The following CDH13 variants were observed in gnomAD, a reference collection of about 807,000 sequenced individuals.
CDH13 encodes the protein cadherin 13, also known as cadherin-13.
CDH13 carries 24 observed loss-of-function variants against 63.8 expected under a neutral mutation model. The observed-to-expected ratio is 0.38, with a 90% CI of 0.27 to 0.53. The LOEUF (loss-of-function observed/expected upper bound fraction) is 0.53. Among genes scored for constraint, CDH13 ranks in the 20% least tolerant of loss-of-function variants. The pLI is 0.85. For synonymous variants in CDH13, 503 were observed against 355.3 expected (o/e 1.42, Z -4.67); for missense variants, 1,049 against 903.1 (o/e 1.16, Z -2.07).
chr16:83,691,914 A>G (rs1904933649), intron 10 of CDH13, among the ~76,000 whole-genome samples: 1 of 152,188 alleles, frequency 6.6e-6, no homozygotes, highest in African/African-American at 2.4e-5. Context: ...AGCCTTCTGC[A>G]TTAGATCACC....
intron 2 of CDH13, among the ~76,000 whole-genome samples, chr16:82,931,396 T>A (rs986304887): frequency 2.3e-4 from 35 of 152,214 alleles, no homozygotes; most frequent in African/African-American, 8.4e-4. Context: ...AGACTTGGAC[T>A]CACATCCTAC....
intron 2 of CDH13, among the ~76,000 whole-genome samples, chr16:82,917,276 G>C (rs1206909203): frequency 6.6e-6 from 1 of 152,210 alleles, no homozygotes; most frequent in Non-Finnish European, 1.5e-5. Flanking sequence ...TCCATTGGGT[G>C]GGTCCAATGG....
chr16:82,960,597 C>G (rs1289118506), intron 2 of CDH13, among the ~76,000 whole-genome samples: 1 of 152,108 alleles, frequency 6.6e-6, no homozygotes, highest in East Asian at 1.9e-4. Flanking sequence ...CTTTTTTCAC[C>G]TTCTGGGCTT....
At chr16:83,620,738 C>T (rs1598380423) in intron 8 of CDH13, among the ~76,000 whole-genome samples, 1 of 152,332 alleles carries the variant, frequency 6.6e-6, no homozygotes, top group East Asian at 1.9e-4. Flanking sequence ...GATTCCTTCC[C>T]TGAGGTCACT....
At chr16:83,221,061 G>A (rs2039684795) in intron 5 of CDH13, among the ~76,000 whole-genome samples, 2 of 152,206 alleles carry the variant, frequency 1.3e-5, no homozygotes, top group African/African-American at 4.8e-5. Flanking sequence ...TCTCACAGCT[G>A]GCATGTATTG....
chr16:82,962,650 C>G (rs1004942670), intron 2 of CDH13, among the ~76,000 whole-genome samples: 1 of 152,066 alleles, frequency 6.6e-6, no homozygotes, highest in Non-Finnish European at 1.5e-5. Flanking sequence ...GAACCCCTGG[C>G]CAGGGCAGGG....
chr16:83,619,711 G>T (rs1909631706), intron 8 of CDH13, among the ~76,000 whole-genome samples: 1 of 152,228 alleles, frequency 6.6e-6, no homozygotes, highest in Admixed American at 6.5e-5. Flanking sequence ...TTTGCAGAAG[G>T]ACACCAGTCA....
chr16:83,399,662 TCTC>T (rs2091938557), intron 6 of CDH13, among the ~76,000 whole-genome samples: 1 of 152,194 alleles, frequency 6.6e-6, no homozygotes, highest in Admixed American at 6.5e-5. Flanking sequence ...CATGCAGCTT[TCTC>T]CTTGTTCGCT....
intron 6 of CDH13, among the ~76,000 whole-genome samples, chr16:83,424,690 C>G (rs1320959973): frequency 6.6e-6 from 1 of 152,150 alleles, no homozygotes; most frequent in African/African-American, 2.4e-5. Flanking sequence ...AATCTTTAGT[C>G]CTAGACAAAT....
intron 7 of CDH13, among the ~76,000 whole-genome samples, chr16:83,581,210 G>A (rs2150721898): frequency 6.6e-6 from 1 of 152,250 alleles, no homozygotes; most frequent in South Asian, 2.1e-4. Flanking sequence ...AAGCAGGTAT[G>A]GTCTCTGCCC....
chr16:83,397,370 C>G (rs2091903551), intron 6 of CDH13: 1 of 152,172 alleles, frequency 6.6e-6, no homozygotes, highest in Non-Finnish European at 1.5e-5. Flanking sequence ...TTTGATTTCT[C>G]TGAAGATACC....
chr16:82,748,281 C>G (rs1399552551), intron 1 of CDH13, among the ~76,000 whole-genome samples: 1 of 152,126 alleles, frequency 6.6e-6, no homozygotes, highest in Non-Finnish European at 1.5e-5. Context: ...AATTCATGTT[C>G]CCATCCAGAA....
At chr16:83,569,658 T>A (rs762168522) in intron 7 of CDH13, among the ~76,000 whole-genome samples, 1 of 152,164 alleles carries the variant, frequency 6.6e-6, no homozygotes, top group African/African-American at 2.4e-5. Context: ...CACAAAGACA[T>A]AGGACATGGA....
At chr16:83,647,382 C>G (rs140268493) in intron 8 of CDH13, among the ~76,000 whole-genome samples, 1 of 151,654 alleles carries the variant, frequency 6.6e-6, no homozygotes, top group African/African-American at 2.4e-5. Context: ...CCGTGTTGCT[C>G]ACGGGTGACC....
At chr16:83,057,253 C>G (rs974290000) in intron 3 of CDH13, among the ~76,000 whole-genome samples, 3 of 152,188 alleles carry the variant, frequency 2.0e-5, no homozygotes. Flanking sequence ...GTGTAAGCCA[C>G]TGCACCCCAG....
intron 1 of CDH13, among the ~76,000 whole-genome samples, chr16:82,770,988 T>G (rs2151096612): frequency 6.6e-6 from 1 of 152,376 alleles, no homozygotes; most frequent in Non-Finnish European, 1.5e-5. Context: ...GTGCTAGGAT[T>G]ACAGCCGTGA....
At chr16:83,436,534 G>A (rs1000330096) in intron 6 of CDH13, among the ~76,000 whole-genome samples, 1 of 152,100 alleles carries the variant, frequency 6.6e-6, no homozygotes, top group Non-Finnish European at 1.5e-5. Context: ...TCATGCCATG[G>A]ACACCTTAAT....
chr16:83,026,617 A>T (rs957483682), intron 2 of CDH13, among the ~76,000 whole-genome samples: 2 of 152,178 alleles, frequency 1.3e-5, no homozygotes, highest in Non-Finnish European at 2.9e-5. Flanking sequence ...AAAAATACTT[A>T]AAAGAGCCCT....
At chr16:82,757,502 G>C (rs530301028) in intron 1 of CDH13, among the ~76,000 whole-genome samples, 5 of 152,222 alleles carry the variant, frequency 3.3e-5, no homozygotes, top group Non-Finnish European at 7.3e-5. Context: ...AATTGCAAGA[G>C]ATAGCTGCTC....
Sources: allele counts gnomAD v4.1 joint callset (sites outside exome capture counted in the v4.1 genomes callset), GRCh38; gene constraint gnomAD v4.1.1; transcripts MANE v1.5; gene names NCBI Gene and HGNC (gene_info 2026-07-23, HGNC 2026-07-21).